MERTK: variants seen among roughly 807,000 people sequenced by gnomAD.
MERTK encodes tyrosine-protein kinase Mer.
In MERTK, 69 loss-of-function variants were observed where a neutral mutation model predicts 99.3. The observed-to-expected ratio is 0.70, with a 90% confidence interval of 0.57 to 0.85. The LOEUF (loss-of-function observed/expected upper bound fraction) is 0.85, where lower values mean the gene tolerates loss of function less well. Ranked by LOEUF, MERTK falls within the 40% of genes least tolerant of loss-of-function variation. MERTK has a pLI of 0.00. For missense variants in MERTK, 1,125 were observed against 1,249.4 expected, an observed-to-expected ratio of 0.90 and a Z score of 1.50; for synonymous variants, 426 against 467.6, an observed-to-expected ratio of 0.91 and a Z score of 1.15.
At chr2:112,006,309 T>G (rs1458431667) in intron 13 of MERTK, among the ~76,000 whole-genome samples, 1 of 151,864 alleles carries the variant, frequency 6.6e-6, no homozygotes, top group African/African-American at 2.4e-5. Flanking sequence ...CCAAAGGACA[T>G]TGCAGTTATT....
At chr2:111,976,986 A>G (rs918457049) in intron 7 of MERTK, among the ~76,000 whole-genome samples, 4 of 152,084 alleles carry the variant, frequency 2.6e-5, no homozygotes, top group Non-Finnish European at 5.9e-5. Context: ...CAAATATTTT[A>G]CTTTAATGTA....
intron 15 of MERTK, among the ~76,000 whole-genome samples, chr2:112,014,552 T>C (rs1677178252): frequency 6.6e-6 from 1 of 152,088 alleles, no homozygotes; most frequent in African/African-American, 2.4e-5. Flanking sequence ...CAAAAAAGAT[T>C]AAAAATACAC....
At chr2:111,975,980 A>T (rs753901121) in intron 7 of MERTK, among the ~76,000 whole-genome samples, 2 of 151,854 alleles carry the variant, frequency 1.3e-5, no homozygotes, top group African/African-American at 4.8e-5. Context: ...TTAGATGCCA[A>T]TCACAAGTCT....
In MERTK at chr2:112,010,007, A is replaced by G. The variant is rs2104413016; in HGVS notation, c.2020A>G (p.Met674Val). The change falls in exon 15 of 19, where the codon ATG (methionine) becomes GTG (valine). Residue 674 changes from methionine to valine, a missense_variant. Met to Val is a conservative substitution (Grantham distance 21). Coordinates refer to ENST00000295408, the MANE Select transcript of MERTK (RefSeq NM_006343.3). ...AAAGCCCATGGTAATTTTACCCTTC[A>G]TGAAATACGGGGACCTGCATACTTA... The part of the protein sequence containing the change: ...IPKPMVILPF[M>V]KYGDLHTYLL... 2 of 1,614,078 alleles carry G rather than the reference A, an allele frequency of 1.2e-6. No homozygotes were observed. Among genetic ancestry groups the G allele is most frequent in the Non-Finnish European group, 1.7e-6 (2 of 1,179,926 alleles).
chr2:111,918,260 T>G lies in MERTK; in HGVS notation c.62-10860T>G, dbSNP rs2104673971. On this transcript the variant is annotated intron_variant, in intron 1 of 18. Coordinates refer to ENST00000295408, the MANE Select transcript of MERTK (RefSeq NM_006343.3). ...GTTCTCTGTTACTTAGGGAGGACTT[T>G]AACAAACTTCTTGCTAACAGGTCTG... Among the ~76,000 whole-genome samples the G allele has an allele frequency of 1.3e-5, 2 of 152,350 alleles. 1 individual carries two copies.
intron 4 of MERTK, among the ~76,000 whole-genome samples, chr2:111,961,306 G>A (rs1180034743): frequency 6.6e-5 from 10 of 150,732 alleles, no homozygotes; most frequent in African/African-American, 2.4e-4. Flanking sequence ...GACTACAGGC[G>A]CCCGCCACAA....
chr2:111,944,237 T>A (rs944417806), intron 2 of MERTK, among the ~76,000 whole-genome samples: 1 of 150,340 alleles, frequency 6.7e-6, no homozygotes, highest in African/African-American at 2.5e-5. Context: ...GAGGCAGATG[T>A]TGCAGTGAGC....
At chr2:111,961,573 T>G (rs768968246) in intron 4 of MERTK, among the ~76,000 whole-genome samples, 1 of 152,126 alleles carries the variant, frequency 6.6e-6, no homozygotes, top group Non-Finnish European at 1.5e-5. Context: ...AGTCAAATCC[T>G]CTCCATAATA....
intron 4 of MERTK, among the ~76,000 whole-genome samples, chr2:111,964,368 C>CGTGTGTGT (rs200168355): frequency 0.012 from 1,709 of 141,246 alleles, 15 homozygotes; most frequent in Non-Finnish European, 0.017. Flanking sequence ...ATCATTGTCT[C>CGTGTGTGT]GTGTGTGTGT....
chr2:111,913,471 A>G (rs761506668), intron 1 of MERTK, among the ~76,000 whole-genome samples: 1 of 152,208 alleles, frequency 6.6e-6, no homozygotes, highest in Non-Finnish European at 1.5e-5. Flanking sequence ...AATAATTTGT[A>G]TCTTGCAACC....
Position 111,936,561 on chromosome 2 carries a change from G to T in MERTK, c.482+7021G>T, listed in dbSNP as rs148467921. Among the ~76,000 whole-genome samples, 956 of 152,076 alleles carry T rather than the reference G, an allele frequency of 6.3e-3. 6 individuals are homozygous for T. Among genetic ancestry groups the T allele is most frequent in the Middle Eastern group, 0.034 (10 of 292 alleles). On this transcript the variant is annotated intron_variant, in intron 2 of 18. Coordinates refer to ENST00000295408, the MANE Select transcript of MERTK (RefSeq NM_006343.3). The stretch of plus-strand genomic sequence containing the variant: ...CTAATAATCTCCCTCTTTTTTTCCT[G>T]TTTCACTTGGATGTCTGTTATTGTT...
chr2:111,994,646 G>A (rs1363246608), intron 9 of MERTK: 1 of 503,938 alleles, frequency 2.0e-6, no homozygotes, highest in Non-Finnish European at 3.7e-6. Flanking sequence ...GGGCATGGTG[G>A]ATCATGCCTG....
chr2:111,963,233 G>A (rs569478324), intron 4 of MERTK, among the ~76,000 whole-genome samples: 3 of 152,330 alleles, frequency 2.0e-5, no homozygotes, highest in South Asian at 2.1e-4. Context: ...GCCCTAAGGC[G>A]GTTTTCCCCT....
chr2:111,958,289 A>T (rs183936227), intron 4 of MERTK, among the ~76,000 whole-genome samples: 2 of 152,296 alleles, frequency 1.3e-5, no homozygotes, highest in Non-Finnish European at 2.9e-5. Flanking sequence ...CCAGTCTGGT[A>T]GTTACTGTTC....
At chr2:111,904,557 G>T (rs1393802151) in intron 1 of MERTK, among the ~76,000 whole-genome samples, 2 of 152,026 alleles carry the variant, frequency 1.3e-5, no homozygotes, top group Non-Finnish European at 2.9e-5. Context: ...TGTATTTTAA[G>T]TAGAGACGGG....
At chr2:111,991,824 G>A (rs576054950) in intron 8 of MERTK, among the ~76,000 whole-genome samples, 1 of 152,224 alleles carries the variant, frequency 6.6e-6, no homozygotes, top group African/African-American at 2.4e-5. Context: ...CATAGCCCTT[G>A]TTGTTTCCTA....
intron 1 of MERTK, among the ~76,000 whole-genome samples, chr2:111,901,692 A>G (rs1456364988): frequency 6.6e-6 from 1 of 150,796 alleles, no homozygotes; most frequent in Admixed American, 6.6e-5. Context: ...AGTAGCTATG[A>G]CCACAGGCAC....
chr2:111,903,208 G>A (rs765295008), intron 1 of MERTK, among the ~76,000 whole-genome samples: 40 of 152,208 alleles, frequency 2.6e-4, no homozygotes, highest in Admixed American at 8.5e-4. Context: ...GAGTATCAGA[G>A]CACAGCATGA....
intron 1 of MERTK, among the ~76,000 whole-genome samples, chr2:111,924,215 A>G (rs934844261): frequency 6.6e-6 from 1 of 152,212 alleles, no homozygotes; most frequent in African/African-American, 2.4e-5. Context: ...AATAATAGCT[A>G]ACATTGAGTG....
Sources: allele counts gnomAD v4.1 joint callset (sites outside exome capture counted in the v4.1 genomes callset), GRCh38; gene constraint gnomAD v4.1.1; transcripts MANE v1.5; gene names NCBI Gene and HGNC (gene_info 2026-07-23, HGNC 2026-07-21).